PTPRA: variants seen among roughly 807,000 people sequenced by gnomAD.
PTPRA encodes receptor-type tyrosine-protein phosphatase alpha.
A neutral mutation model predicts 104.8 loss-of-function variants in PTPRA; 25 were observed. The observed-to-expected ratio is 0.24, with a 90% confidence interval of 0.17 to 0.33. The LOEUF (loss-of-function observed/expected upper bound fraction) is 0.33, where lower values mean the gene tolerates loss of function less well. PTPRA is among the 10% of genes least tolerant of loss of function. The pLI is 1.00. For synonymous variants in PTPRA, 323 were observed against 368.9 expected (o/e 0.88, Z 1.43); for missense variants, 765 against 1,015.3 (o/e 0.75, Z 3.35).
chr20:3,025,885 A>G (rs2065117504), intron 17 of PTPRA, among the ~76,000 whole-genome samples: 1 of 151,366 alleles, frequency 6.6e-6, no homozygotes, highest in African/African-American at 2.4e-5. Context: ...AAAAAAAAAA[A>G]AGATATTAGG....
At chr20:2,915,181 C>G (rs1254518327) in intron 1 of PTPRA, among the ~76,000 whole-genome samples, 1 of 151,924 alleles carries the variant, frequency 6.6e-6, no homozygotes, top group Non-Finnish European at 1.5e-5. Flanking sequence ...CTCAAACTTT[C>G]ACTGGGCTCA....
intron 2 of PTPRA, among the ~76,000 whole-genome samples, chr20:2,928,015 A>T (rs1349302034): frequency 6.6e-6 from 1 of 151,440 alleles, no homozygotes; most frequent in Non-Finnish European, 1.5e-5. Context: ...ATCTCAGTCA[A>T]TCAATCAGTC....
At chr20:2,892,144 G>A (rs915133504) in intron 1 of PTPRA, among the ~76,000 whole-genome samples, 1 of 152,080 alleles carries the variant, frequency 6.6e-6, no homozygotes, top group Middle Eastern at 3.4e-3. Flanking sequence ...ACAAAAATTA[G>A]CCAGGCATGG....
At chr20:2,958,103 A>G (rs1022022485) in intron 3 of PTPRA, among the ~76,000 whole-genome samples, 12 of 152,202 alleles carry the variant, frequency 7.9e-5, no homozygotes, top group African/African-American at 2.9e-4. Flanking sequence ...TTGATTTGGT[A>G]GAAAAGGAAA....
intron 22 of PTPRA, 152 bp downstream of exon 22, chr20:3,036,093 G>A: frequency 7.1e-7 from 1 of 1,400,866 alleles, no homozygotes; most frequent in Non-Finnish European, 9.5e-7. Flanking sequence ...GACAGGATTG[G>A]ATGCTAAGAG....
chr20:2,962,613 G>A (rs1289014329), intron 3 of PTPRA, among the ~76,000 whole-genome samples: 1 of 152,150 alleles, frequency 6.6e-6, no homozygotes, highest in Non-Finnish European at 1.5e-5. Flanking sequence ...TTAGGCTCAG[G>A]TAGTAATTGA....
At chr20:3,027,000 G>T in intron 18 of PTPRA, 121 bp from the exon 19 acceptor site, 2 of 1,163,262 alleles carry the variant, frequency 1.7e-6, no homozygotes, top group East Asian at 4.7e-5. Context: ...AATGAGCTAG[G>T]AACAGACATG....
At chr20:3,008,249 A>C (rs2063967379) in intron 11 of PTPRA, among the ~76,000 whole-genome samples, 1 of 152,260 alleles carries the variant, frequency 6.6e-6, no homozygotes, top group African/African-American at 2.4e-5. Context: ...GAATAAATTA[A>C]ATGTGGTACA....
At chr20:3,011,892 C>T (rs2064187642) in intron 11 of PTPRA, among the ~76,000 whole-genome samples, 1 of 152,220 alleles carries the variant, frequency 6.6e-6, no homozygotes. Context: ...AGTGAAACCT[C>T]TGCACAGTGC....
intron 3 of PTPRA, among the ~76,000 whole-genome samples, chr20:2,953,757 G>A (rs1185294248): frequency 1.7e-4 from 26 of 151,344 alleles, no homozygotes; most frequent in Middle Eastern, 3.4e-3. Flanking sequence ...ACAGGCGCCC[G>A]CCACCACACC....
chr20:2,917,093 G>A (rs1219282752), intron 1 of PTPRA, among the ~76,000 whole-genome samples: 1 of 151,550 alleles, frequency 6.6e-6, no homozygotes, highest in Non-Finnish European at 1.5e-5. Flanking sequence ...GAGTAGCTGG[G>A]ATTACAGGCA....
intron 1 of PTPRA, among the ~76,000 whole-genome samples, chr20:2,888,871 G>T (rs2058694906): frequency 6.6e-6 from 1 of 152,172 alleles, no homozygotes; most frequent in African/African-American, 2.4e-5. Flanking sequence ...TTTATCAAAA[G>T]GGGTGAATGT....
chr20:2,938,927 A>G (rs1240422587), intron 2 of PTPRA, among the ~76,000 whole-genome samples: 3 of 152,066 alleles, frequency 2.0e-5, no homozygotes, highest in Non-Finnish European at 4.4e-5. Context: ...TGAGATTTTC[A>G]TGTTCCTGGT....
intron 7 of PTPRA, among the ~76,000 whole-genome samples, chr20:2,987,382 C>T (rs914173467): frequency 6.6e-6 from 1 of 151,856 alleles, no homozygotes; most frequent in African/African-American, 2.4e-5. Flanking sequence ...GACGTTACCA[C>T]TCAAGCAGAA....
chr20:2,955,302 A>G (rs527841076), intron 3 of PTPRA, among the ~76,000 whole-genome samples: 6 of 152,226 alleles, frequency 3.9e-5, no homozygotes, highest in African/African-American at 9.6e-5. Context: ...ACCAAATTCT[A>G]TTTTGTGTAT....
chr20:3,022,304 T>C lies in PTPRA; in HGVS notation c.1328+84T>C. ...AGGGGAACAGCACAAGGGCCCTGGC[T>C]GAGGAGGCTGGCACAGAGTAGATGA... On this transcript the variant is annotated intron_variant, in intron 15 of 23. Coordinates refer to ENST00000399903, the MANE Select transcript of PTPRA (RefSeq NM_001385305.1). This position sits in a 1 kb window ranked among gnomAD's most constrained non-coding sequence, Gnocchi z 4.6. 6.6e-7 allele frequency: 1 copy of C among 1,512,556 alleles called. No individual in the cohort carries two copies. The highest frequency in any genetic ancestry group is 9.0e-7 in the Non-Finnish European group (1 of 1,108,914). 93.7% of individuals were successfully genotyped at this position (1,512,556 alleles called of 1,614,324 possible).
chr20:2,886,060 G>GA (rs2090363472), intron 1 of PTPRA, among the ~76,000 whole-genome samples: 1 of 151,890 alleles, frequency 6.6e-6, no homozygotes, highest in African/African-American at 2.4e-5. Flanking sequence ...CTCTGTCTTG[G>GA]AAAAAATAAA....
intron 3 of PTPRA, among the ~76,000 whole-genome samples, chr20:2,955,098 G>A (rs1393036827): frequency 6.6e-6 from 1 of 152,174 alleles, no homozygotes; most frequent in Non-Finnish European, 1.5e-5. Context: ...CCTTAACACT[G>A]AGTAGATAGA....
At chr20:2,929,616 G>T (rs6051484) in intron 2 of PTPRA, among the ~76,000 whole-genome samples, 1 of 152,128 alleles carries the variant, frequency 6.6e-6, no homozygotes, top group East Asian at 1.9e-4. Flanking sequence ...CTTGAGCTCA[G>T]GAGTTTGAGA....
Sources: gnomAD v4.1 joint callset for allele counts (sites outside exome capture counted in the v4.1 genomes callset) on GRCh38, gnomAD v4.1.1 for gene constraint, Gnocchi (gnomAD v3.1) non-coding constraint, MANE v1.5 for transcripts, NCBI Gene and HGNC (gene_info 2026-07-23, HGNC 2026-07-21) for gene names.